Variants in SMYD3 observed in about 807,000 individuals in gnomAD.
The protein encoded by SMYD3 is SET and MYND domain containing 3, also known as histone-lysine N-methyltransferase SMYD3.
A neutral mutation model predicts 57.7 loss-of-function variants in SMYD3; 36 were observed. That is an observed-to-expected ratio of 0.62 (90% CI 0.48 to 0.82). The LOEUF is 0.82. SMYD3 is among the 40% of genes least tolerant of loss of function. The pLI, the probability that SMYD3 is intolerant of heterozygous loss-of-function variation, is 0.00. For missense variants in SMYD3, 515 were observed against 538.8 expected (o/e 0.96, Z 0.44); for synonymous variants, 211 against 195.0 (o/e 1.08, Z -0.68).
At chr1:246,462,395 C>T (rs1286508457) in intron 1 of SMYD3, among the ~76,000 whole-genome samples, 3 of 152,140 alleles carry the variant, frequency 2.0e-5, no homozygotes, top group East Asian at 1.9e-4. Context: ...AGCGGTACCC[C>T]CATCCTTGGA....
At chr1:246,018,528 G>A (rs1349321230) in intron 5 of SMYD3, among the ~76,000 whole-genome samples, 2 of 152,186 alleles carry the variant, frequency 1.3e-5, no homozygotes, top group Admixed American at 6.5e-5. Flanking sequence ...TATTTTAAAT[G>A]TTTGCCATCA....
chr1:246,075,764 ATGT>A (rs1443711832), intron 5 of SMYD3, among the ~76,000 whole-genome samples: 1 of 152,150 alleles, frequency 6.6e-6, no homozygotes, highest in African/African-American at 2.4e-5. Context: ...AAGAAGTAAA[ATGT>A]TGTATTGAGG....
chr1:246,448,701 TTTTAAAAAAAAAAA>T (rs1558470156), intron 1 of SMYD3, among the ~76,000 whole-genome samples: 1 of 82,012 alleles, frequency 1.2e-5, no homozygotes, highest in African/African-American at 5.9e-5. Flanking sequence ...CATCTCTTTT[TTTTAAAAAAAAAAA>T]AAAAAAAAAA....
At chr1:245,906,063 T>C (rs1479736330) in intron 8 of SMYD3, among the ~76,000 whole-genome samples, 1 of 151,852 alleles carries the variant, frequency 6.6e-6, no homozygotes, top group East Asian at 1.9e-4. Flanking sequence ...TTAAGGAAAA[T>C]CTCCAGGACA....
rs567059907 is a variant in SMYD3, at chr1:246,036,437, C to T, written c.532-106500G>A. Among the ~76,000 whole-genome samples, 579 of 152,260 alleles carry T rather than the reference C, an allele frequency of 3.8e-3. 4 individuals are homozygous for T. Among genetic ancestry groups the T allele is most frequent in the Middle Eastern group, 6.8e-3 (2 of 292 alleles). ...TCATTTCTTGGGATGTTATTTTATA[C>T]ATACACAAGAACATGCTTTATATCT... On this transcript the variant is annotated intron_variant, in intron 5 of 11. Transcript: ENST00000490107.
chr1:246,238,923 T>C (rs1196418745), intron 5 of SMYD3, among the ~76,000 whole-genome samples: 1 of 148,852 alleles, frequency 6.7e-6, no homozygotes, highest in African/African-American at 2.5e-5. Context: ...GGGAAATTAC[T>C]TTTTACTTCA....
intron 1 of SMYD3, among the ~76,000 whole-genome samples, chr1:246,369,545 GA>G (rs1214266838): frequency 6.6e-6 from 1 of 151,820 alleles, no homozygotes; most frequent in Non-Finnish European, 1.5e-5. Flanking sequence ...TTTTATTTTT[GA>G]GACAGGGTCT....
intron 5 of SMYD3, among the ~76,000 whole-genome samples, chr1:246,077,892 A>G (rs2060574254): frequency 6.6e-6 from 1 of 152,168 alleles, no homozygotes. Flanking sequence ...TTTAAAAAGA[A>G]AACAATCGTT....
chr1:246,259,872 A>C (rs1009732796), intron 5 of SMYD3, among the ~76,000 whole-genome samples: 31 of 152,230 alleles, frequency 2.0e-4, no homozygotes, highest in Non-Finnish European at 8.8e-5. Flanking sequence ...AGTTCTCTGC[A>C]CAGGAATGGG....
At chr1:246,359,794 A>C (rs2065960787) in intron 1 of SMYD3, among the ~76,000 whole-genome samples, 1 of 152,210 alleles carries the variant, frequency 6.6e-6, no homozygotes, top group Non-Finnish European at 1.5e-5. Flanking sequence ...CAAAATCGGC[A>C]TAGAAGGGAT....
chr1:246,493,794 G>A (rs1269047400), intron 1 of SMYD3, among the ~76,000 whole-genome samples: 2 of 147,390 alleles, frequency 1.4e-5, no homozygotes, highest in Non-Finnish European at 3.0e-5. Context: ...TATTCCAATA[G>A]TTCCAGCTCA....
chr1:245,994,215 T>C (rs2058876384), intron 5 of SMYD3, among the ~76,000 whole-genome samples: 1 of 152,196 alleles, frequency 6.6e-6, no homozygotes, highest in Non-Finnish European at 1.5e-5. Context: ...ATTCCATTTC[T>C]AAAGCCAGGA....
chr1:245,781,292 T>C (rs1345279402), intron 10 of SMYD3, among the ~76,000 whole-genome samples: 1 of 152,234 alleles, frequency 6.6e-6, no homozygotes, highest in African/African-American at 2.4e-5. Context: ...ATGAGACAGA[T>C]ACTATTATTG....
At chr1:246,300,951 C>T (rs1460752810) in intron 5 of SMYD3, among the ~76,000 whole-genome samples, 2 of 152,068 alleles carry the variant, frequency 1.3e-5, no homozygotes, top group East Asian at 3.9e-4. Flanking sequence ...TAATAGAAAA[C>T]ACCCAGCCTG....
chr1:245,778,367 C>G (rs941820882), intron 10 of SMYD3, among the ~76,000 whole-genome samples: 1 of 152,102 alleles, frequency 6.6e-6, no homozygotes, highest in Non-Finnish European at 1.5e-5. Flanking sequence ...TTGATTCACA[C>G]AAATGTAGCC....
intron 1 of SMYD3, among the ~76,000 whole-genome samples, chr1:246,495,265 C>T (rs2103072389): frequency 7.0e-6 from 1 of 143,838 alleles, no homozygotes; most frequent in African/African-American, 2.6e-5. Context: ...AGGAGAATGG[C>T]ATGAACCCGG....
At chr1:246,498,003 T>C (rs1251654485) in intron 1 of SMYD3, among the ~76,000 whole-genome samples, 4 of 152,198 alleles carry the variant, frequency 2.6e-5, no homozygotes, top group East Asian at 1.9e-4. Flanking sequence ...GCAATTTAAA[T>C]GCAAATTAAA....
At chr1:245,956,378 T>C (rs1281201488) in intron 5 of SMYD3, among the ~76,000 whole-genome samples, 2 of 152,168 alleles carry the variant, frequency 1.3e-5, no homozygotes, top group Non-Finnish European at 2.9e-5. Context: ...AGATGCTCAG[T>C]CAAGATCTGA....
intron 10 of SMYD3, among the ~76,000 whole-genome samples, chr1:245,857,279 G>A (rs776824978): frequency 1.7e-4 from 26 of 152,300 alleles, no homozygotes; most frequent in East Asian, 1.4e-3. Context: ...TGCCGTCTTC[G>A]GGGTCCTTGT....
Sources: allele counts gnomAD v4.1 joint callset (sites outside exome capture counted in the v4.1 genomes callset), GRCh38; gene constraint gnomAD v4.1.1; transcripts MANE v1.5; gene names NCBI Gene and HGNC (gene_info 2026-07-23, HGNC 2026-07-21).